CNTNAP5: variants seen among roughly 807,000 people sequenced by gnomAD.
The protein encoded by CNTNAP5 is contactin associated protein family member 5.
Under a neutral mutation model 150.2 loss-of-function variants are expected in CNTNAP5, and 72 were observed. The ratio of observed to expected loss-of-function variants is 0.48; its 90% CI spans 0.40 to 0.58. CNTNAP5 has a LOEUF of 0.58. Among genes scored for constraint, CNTNAP5 ranks in the 20% least tolerant of loss-of-function variants. The probability of loss-of-function intolerance (pLI) is 0.00; values close to 1 mark genes in which losing one functional copy is unlikely to be tolerated. For synonymous variants in CNTNAP5, 672 were observed against 619.8 expected (o/e 1.08, Z -1.25); for missense variants, 1,636 against 1,626.2 (o/e 1.01, Z -0.10).
At chr2:124,832,306 A>G (rs891449824) in intron 19 of CNTNAP5, among the ~76,000 whole-genome samples, 9 of 152,160 alleles carry the variant, frequency 5.9e-5, no homozygotes, top group Non-Finnish European at 1.3e-4. Flanking sequence ...TCGTTTATTT[A>G]TGCATCTACT....
intron 12 of CNTNAP5, among the ~76,000 whole-genome samples, chr2:124,612,087 A>G (rs1677396341): frequency 6.6e-6 from 1 of 152,196 alleles, no homozygotes; most frequent in South Asian, 2.1e-4. Context: ...TCTATTACAT[A>G]CATTTTGTTT....
chr2:124,050,630 CT>C (rs1681671066), intron 1 of CNTNAP5, among the ~76,000 whole-genome samples: 1 of 152,144 alleles, frequency 6.6e-6, no homozygotes, highest in Non-Finnish European at 1.5e-5. Context: ...GACTCTGCCC[CT>C]GCCTCTGTGT....
intron 1 of CNTNAP5, among the ~76,000 whole-genome samples, chr2:124,095,580 G>A (rs552777976): frequency 6.6e-6 from 1 of 152,268 alleles, no homozygotes; most frequent in South Asian, 2.1e-4. Context: ...TCCTTGGAAG[G>A]CTGGAAGCTA....
intron 13 of CNTNAP5, among the ~76,000 whole-genome samples, chr2:124,717,207 C>T (rs893394324): frequency 6.6e-5 from 10 of 152,030 alleles, no homozygotes; most frequent in South Asian, 2.1e-4. Flanking sequence ...TCAGAGGTGA[C>T]GGAGGAGCAG....
chr2:124,330,357 G>A (rs932346002), intron 3 of CNTNAP5, among the ~76,000 whole-genome samples: 1 of 152,040 alleles, frequency 6.6e-6, no homozygotes, highest in Non-Finnish European at 1.5e-5. Flanking sequence ...CATAATAAAA[G>A]CATACTCACA....
intron 2 of CNTNAP5, among the ~76,000 whole-genome samples, chr2:124,227,424 C>T (rs1686487517): frequency 6.6e-6 from 1 of 152,152 alleles, no homozygotes; most frequent in African/African-American, 2.4e-5. Flanking sequence ...CACTCCCTCT[C>T]TCCCTCACAT....
intron 1 of CNTNAP5, among the ~76,000 whole-genome samples, chr2:124,027,677 A>T (rs1680934556): frequency 6.6e-6 from 1 of 152,232 alleles, no homozygotes; most frequent in South Asian, 2.1e-4. Flanking sequence ...TTTAAAATGA[A>T]ACTTTGTGAT....
At chr2:124,887,923 T>A (rs918773882) in intron 21 of CNTNAP5, among the ~76,000 whole-genome samples, 14 of 152,100 alleles carry the variant, frequency 9.2e-5, no homozygotes, top group African/African-American at 3.4e-4. Flanking sequence ...ATCAATGATT[T>A]TTTTTAAAGA....
intron 11 of CNTNAP5, among the ~76,000 whole-genome samples, chr2:124,598,780 C>G (rs529547159): frequency 5.3e-4 from 80 of 150,944 alleles, no homozygotes; most frequent in South Asian, 5.0e-3. Context: ...AGACTGCTGT[C>G]CTAGCAATCA....
chr2:124,833,332 G>A (rs1206260191), intron 19 of CNTNAP5, among the ~76,000 whole-genome samples: 1 of 152,078 alleles, frequency 6.6e-6, no homozygotes, highest in African/African-American at 2.4e-5. Context: ...CTGAGACTCA[G>A]GAGAGACCCA....
chr2:124,027,227 C>G (rs907885930), intron 1 of CNTNAP5, among the ~76,000 whole-genome samples: 6 of 152,066 alleles, frequency 3.9e-5, no homozygotes, highest in African/African-American at 1.4e-4. Context: ...TGGAATTGTT[C>G]CCGTGGTGCT....
At chr2:124,183,405 T>C (rs959403477) in intron 1 of CNTNAP5, among the ~76,000 whole-genome samples, 6 of 152,346 alleles carry the variant, frequency 3.9e-5, no homozygotes, top group African/African-American at 1.2e-4. Context: ...AGTAAAAATG[T>C]CTAGTTTCTT....
chr2:124,477,362 G>A (rs995264737), intron 7 of CNTNAP5, among the ~76,000 whole-genome samples: 2 of 152,012 alleles, frequency 1.3e-5, no homozygotes, highest in African/African-American at 4.8e-5. Context: ...ACATTTTCTT[G>A]AAAATTGCCA....
chr2:124,595,845 C>A (rs1159896014), intron 11 of CNTNAP5, among the ~76,000 whole-genome samples: 1 of 137,462 alleles, frequency 7.3e-6, no homozygotes, highest in African/African-American at 2.7e-5. Context: ...AGAGATTCAA[C>A]TTCTTCCTGG....
At chr2:124,068,159 T>C in intron 1 of CNTNAP5, among the ~76,000 whole-genome samples, 1 of 150,564 alleles carries the variant, frequency 6.6e-6, no homozygotes, top group East Asian at 2.0e-4. Context: ...TACCTATATC[T>C]TTCTTCATAT....
chr2:124,824,789 T>C (rs1292140048), intron 19 of CNTNAP5, among the ~76,000 whole-genome samples: 1 of 152,196 alleles, frequency 6.6e-6, no homozygotes, highest in Non-Finnish European at 1.5e-5. Context: ...AGTCCTAATC[T>C]GTAAACTAAT....
intron 1 of CNTNAP5, among the ~76,000 whole-genome samples, chr2:124,192,230 G>A (rs1685475807): frequency 6.6e-6 from 1 of 152,106 alleles, no homozygotes; most frequent in Admixed American, 6.5e-5. Context: ...GGCAGACAAG[G>A]GCTTGGGAAG....
At chr2:124,701,544 A>C (rs1005034820) in intron 13 of CNTNAP5, among the ~76,000 whole-genome samples, 11 of 152,138 alleles carry the variant, frequency 7.2e-5, no homozygotes, top group Non-Finnish European at 1.6e-4. Context: ...GTATGCATTG[A>C]ATAGGGATCA....
chr2:124,360,573 A>T (rs1690169958), intron 3 of CNTNAP5, among the ~76,000 whole-genome samples: 1 of 137,318 alleles, frequency 7.3e-6, no homozygotes, highest in South Asian at 2.5e-4. Context: ...TATGAAGCTT[A>T]GTTTGGCTGG....
Sources: allele counts gnomAD v4.1 joint callset (sites outside exome capture counted in the v4.1 genomes callset), GRCh38; gene constraint gnomAD v4.1.1; transcripts MANE v1.5; gene names NCBI Gene and HGNC (gene_info 2026-07-23, HGNC 2026-07-21).